The following TOX2 variants were observed in gnomAD, a reference collection of about 807,000 sequenced individuals.
TOX2 encodes the protein granulosa cell HMG box 1.
Under a neutral mutation model 47.4 loss-of-function variants are expected in TOX2, and 15 were observed. That is an observed-to-expected ratio of 0.32 (90% CI 0.21 to 0.49). The LOEUF (loss-of-function observed/expected upper bound fraction) is 0.49, where lower values mean the gene tolerates loss of function less well. Ranked by LOEUF, TOX2 falls within the 20% of genes least tolerant of loss-of-function variation. The pLI is 0.99. For synonymous variants in TOX2, 290 were observed against 296.6 expected (o/e 0.98, Z 0.23); for missense variants, 622 against 673.1 (o/e 0.92, Z 0.84).
intron 1 of TOX2, among the ~76,000 whole-genome samples, chr20:43,956,278 C>A (rs944489948): frequency 1.3e-5 from 2 of 152,168 alleles, no homozygotes; most frequent in Admixed American, 1.3e-4. Context: ...GTGTGTCCAC[C>A]AGGTGCAGTG....
intron 1 of TOX2, chr20:43,945,918 G>A (rs1415229334): frequency 1.9e-6 from 3 of 1,612,978 alleles, no homozygotes; most frequent in African/African-American, 2.7e-5. Flanking sequence ...TGATTATGCA[G>A]CAGACTCGCA....
chr20:44,051,615 T>C (rs1276906597), intron 4 of TOX2, 70 bp downstream of exon 4: 3 of 1,514,192 alleles, frequency 2.0e-6, no homozygotes, highest in Non-Finnish European at 2.7e-6. Flanking sequence ...TGTGGGGAAA[T>C]GGGCATCACC....
chr20:43,927,458 AACACAC>A (rs34410581), intron 1 of TOX2, among the ~76,000 whole-genome samples: 5,289 of 131,256 alleles, frequency 0.04, 175 homozygotes, highest in African/African-American at 0.071. Flanking sequence ...TGATCTATAT[AACACAC>A]ACACACACAC....
intron 2 of TOX2, among the ~76,000 whole-genome samples, chr20:43,998,422 T>A (rs2070515925): frequency 1.3e-5 from 2 of 152,252 alleles, no homozygotes; most frequent in African/African-American, 4.8e-5. Flanking sequence ...GTAAGTGTTC[T>A]ATGGACATTT....
At chr20:44,049,621 A>G (rs756918562) in intron 3 of TOX2, among the ~76,000 whole-genome samples, 20 of 152,358 alleles carry the variant, frequency 1.3e-4, no homozygotes, top group Admixed American at 1.0e-3. Flanking sequence ...AGTATGCATT[A>G]GCATTTTTCT....
At chr20:44,007,019 G>C (rs1273428680) in intron 3 of TOX2, among the ~76,000 whole-genome samples, 1 of 152,150 alleles carries the variant, frequency 6.6e-6, no homozygotes, top group East Asian at 1.9e-4. Context: ...TCAGCACACT[G>C]CTTCCTTCTG....
chr20:43,922,073 T>C (rs528908513), intron 1 of TOX2, among the ~76,000 whole-genome samples: 252 of 152,318 alleles, frequency 1.7e-3, no homozygotes, highest in African/African-American at 5.8e-3. Flanking sequence ...GGTGACCTCA[T>C]GCACATCACT....
Position 44,064,716 on chromosome 20 carries a change from C to G in TOX2, c.880-61C>G, listed in dbSNP as rs1158598062. ...AATCCATGCCTTCCCACCCCAGGAC[C>G]CTGCACGGCATCTCCTCTGTAACTT... On this transcript the variant is annotated intron_variant, in intron 5 of 8. Coordinates refer to ENST00000341197, the MANE Select transcript of TOX2 (RefSeq NM_001098797.2). 28 of 1,522,842 alleles carry G rather than the reference C, an allele frequency of 1.8e-5. No homozygotes were observed. In the Admixed American group the frequency reaches 4.2e-4, roughly 23 times the overall value. 94.3% of individuals were successfully genotyped at this position (1,522,842 alleles called of 1,614,324 possible). A position where few individuals can be genotyped will look rare whatever the true frequency, so the allele number is the denominator to read the frequency against.
intron 1 of TOX2, among the ~76,000 whole-genome samples, chr20:43,971,360 G>A (rs1028886124): frequency 7.2e-5 from 11 of 152,200 alleles, no homozygotes; most frequent in Admixed American, 2.0e-4. Context: ...AAGGGAAGGC[G>A]GGGCGAGGGC....
rs150845632 is a variant in TOX2 at position 44,055,767 on chromosome 20, G to A, written c.879+1241G>A. On this transcript the variant is annotated intron_variant, in intron 5 of 8. Coordinates refer to ENST00000341197, the MANE Select transcript of TOX2 (RefSeq NM_001098797.2). Reference sequence around the variant, plus strand: ...GGGTAGGGGACACAGAGCATGTCCTGGGAGCCTCCTTGCATCTGGCTTCCA... The same window carrying A: ...GGGTAGGGGACACAGAGCATGTCCTAGGAGCCTCCTTGCATCTGGCTTCCA... Among the ~76,000 whole-genome samples, 3 of 152,252 alleles carry A rather than the reference G, an allele frequency of 2.0e-5. No individual in the cohort carries two copies. The East Asian group carries it at 5.8e-4, about 29-fold the overall frequency.
chr20:44,042,212 T>C (rs1286304797), intron 3 of TOX2, among the ~76,000 whole-genome samples: 9 of 152,158 alleles, frequency 5.9e-5, no homozygotes, highest in African/African-American at 2.2e-4. Flanking sequence ...TATAAAACCA[T>C]CAGATCTCAT....
intron 2 of TOX2, among the ~76,000 whole-genome samples, chr20:43,986,318 G>C (rs1262146299): frequency 2.7e-5 from 4 of 145,732 alleles, no homozygotes; most frequent in African/African-American, 9.9e-5. Flanking sequence ...GTCTCACTCT[G>C]TCACCCAGGC....
At chr20:43,931,402 T>C (rs2069250965) in intron 1 of TOX2, among the ~76,000 whole-genome samples, 1 of 152,214 alleles carries the variant, frequency 6.6e-6, no homozygotes. Flanking sequence ...CCCAAGTAGC[T>C]GGGACTACAG....
chr20:43,935,442 C>T (rs145538239), intron 1 of TOX2, among the ~76,000 whole-genome samples: 52 of 152,266 alleles, frequency 3.4e-4, no homozygotes, highest in African/African-American at 1.2e-3. Context: ...GGAGTTGGGG[C>T]GGGGACGAGG....
chr20:44,060,418 T>C (rs201577117), intron 5 of TOX2, among the ~76,000 whole-genome samples: 1 of 152,132 alleles, frequency 6.6e-6, no homozygotes, highest in Admixed American at 6.5e-5. Flanking sequence ...CAGATATTTA[T>C]AGAACATTCT....
At chr20:44,003,829 G>C (rs1047328782) in intron 2 of TOX2, among the ~76,000 whole-genome samples, 1 of 152,152 alleles carries the variant, frequency 6.6e-6, no homozygotes, top group Non-Finnish European at 1.5e-5. Flanking sequence ...TAGAGGGGTG[G>C]TGGGGCCAGG....
intron 3 of TOX2, among the ~76,000 whole-genome samples, chr20:44,014,128 CAAAAAAA>C (rs55721806): frequency 6.3e-4 from 34 of 53,574 alleles, no homozygotes; most frequent in African/African-American, 1.6e-3. Flanking sequence ...GAGACTATCT[CAAAAAAA>C]AAAAAAAAAA....
intron 1 of TOX2, among the ~76,000 whole-genome samples, chr20:43,918,944 C>T (rs531887778): frequency 1.1e-3 from 167 of 152,230 alleles, no homozygotes; most frequent in African/African-American, 3.9e-3. Context: ...TGGCACATAC[C>T]AGCTACTAAT....
chr20:43,968,089 C>T lies in TOX2; in HGVS notation c.100-5278C>T, dbSNP rs115535329. Among the ~76,000 whole-genome samples, 759 of 152,254 alleles carry T rather than the reference C, an allele frequency of 5.0e-3. 5 individuals carry two copies. Among genetic ancestry groups the T allele is most frequent in the African/African-American group, 0.017 (720 of 41,536 alleles). ...TCCCTCACCCATCTATTCATTCACC[C>T]GTCCGTCATCTGCCGATCATCCGTC... On this transcript the variant is annotated intron_variant, in intron 1 of 8. Transcript: ENST00000341197.
Sources: gnomAD v4.1 joint callset for allele counts (sites outside exome capture counted in the v4.1 genomes callset) on GRCh38, gnomAD v4.1.1 for gene constraint, MANE v1.5 for transcripts, NCBI Gene and HGNC (gene_info 2026-07-23, HGNC 2026-07-21) for gene names.